Variants in TSHZ3 observed in about 807,000 individuals in gnomAD.
TSHZ3 encodes teashirt zinc finger homeobox 3, also known as teashirt homolog 3.
TSHZ3 carries 10 observed loss-of-function variants against 64.5 expected under a neutral mutation model. The observed-to-expected ratio is 0.16, with a 90% CI of 0.10 to 0.26. The LOEUF (loss-of-function observed/expected upper bound fraction) is 0.26. TSHZ3 is among the 10% of genes least tolerant of loss of function. The pLI is 1.00. For missense variants in TSHZ3, 1,242 were observed against 1,421.7 expected, an observed-to-expected ratio of 0.87 and a Z score of 2.03; for synonymous variants, 608 against 593.1, an observed-to-expected ratio of 1.03 and a Z score of -0.36.
At chr19:31,201,663 C>T (rs561801399) in intron 5 of TSHZ3, among the ~76,000 whole-genome samples, 5 of 152,134 alleles carry the variant, frequency 3.3e-5, no homozygotes, top group African/African-American at 4.8e-5. Flanking sequence ...GTGGGCTTCA[C>T]GAGTGGCCGC....
intron 5 of TSHZ3, among the ~76,000 whole-genome samples, chr19:31,156,511 G>GT (rs1345193104): frequency 6.6e-6 from 1 of 152,106 alleles, no homozygotes; most frequent in African/African-American, 2.4e-5. Flanking sequence ...CAGCCACCCA[G>GT]GGCATCTATT....
chr19:31,271,156 A>G (rs1011183318), downstream of TSHZ3, among the ~76,000 whole-genome samples: 1 of 152,106 alleles, frequency 6.6e-6, no homozygotes, highest in Non-Finnish European at 1.5e-5. Context: ...CAATTTGGCT[A>G]ATCTATTGTC....
At chr19:31,175,873 G>C (rs556484488) in intron 5 of TSHZ3, among the ~76,000 whole-genome samples, 2 of 152,236 alleles carry the variant, frequency 1.3e-5, no homozygotes. Context: ...ACTTAGCCCC[G>C]CATCTCTGCC....
chr19:31,235,141 A>C, intron 3 of TSHZ3, among the ~76,000 whole-genome samples: 1 of 152,222 alleles, frequency 6.6e-6, no homozygotes, highest in East Asian at 1.9e-4. Flanking sequence ...TGATCCCCAC[A>C]ACCAAACTAA....
intron 5 of TSHZ3, among the ~76,000 whole-genome samples, chr19:31,199,479 G>A (rs963145789): frequency 2.0e-5 from 3 of 147,240 alleles, no homozygotes; most frequent in Admixed American, 2.0e-4. Flanking sequence ...CCATAAAATA[G>A]TAATAAATAA....
At position 31,278,280 on chromosome 19, in the gene TSHZ3, G is replaced by C. The variant is rs1976289743; in HGVS notation, c.1513C>G (p.His505Asp). 2.5e-6 allele frequency: 4 copies of C among 1,614,048 alleles called. No homozygotes were observed. Among genetic ancestry groups the C allele is most frequent in the Admixed American group, 1.7e-5 (1 of 60,008 alleles). The change falls in exon 2 of 2, where the codon CAT (histidine) becomes GAT (aspartate). Residue 505 changes from histidine to aspartate, a missense_variant. Physicochemically the swap from His to Asp is moderately conservative, Grantham distance 81. Transcript: ENST00000240587. The surrounding 1 kb of genome is among the most constrained non-coding windows in gnomAD (Gnocchi z 4.7). The stretch of plus-strand genomic sequence containing the variant: ...TCTAAGTCATTTTCAGTCAAGTAAT[G>C]GTATTTGGAAGAGATGTCACACTTC... ...EEKCDISSKYHYLTENDLEES... is the reference protein window; with the variant it reads ...EEKCDISSKYDYLTENDLEES...
intron 1 of TSHZ3, among the ~76,000 whole-genome samples, chr19:31,324,161 C>A (rs1916865201): frequency 6.6e-6 from 1 of 152,136 alleles, no homozygotes; most frequent in African/African-American, 2.4e-5. Context: ...GAGCAGGAAA[C>A]CAAGCTACTA....
intron 5 of TSHZ3, among the ~76,000 whole-genome samples, chr19:31,168,943 T>C (rs1449751831): frequency 6.6e-6 from 1 of 152,162 alleles, no homozygotes; most frequent in Non-Finnish European, 1.5e-5. Context: ...TCCACTATTT[T>C]ATAAATTCAG....
intron 1 of TSHZ3, among the ~76,000 whole-genome samples, chr19:31,291,864 C>T (rs537685568): frequency 6.6e-6 from 1 of 152,184 alleles, no homozygotes; most frequent in Non-Finnish European, 1.5e-5. Flanking sequence ...ATCATTCAGC[C>T]AGCCCGGTGC....
chr19:31,240,735 G>GA, intron 3 of TSHZ3, among the ~76,000 whole-genome samples: 1 of 151,716 alleles, frequency 6.6e-6, no homozygotes, highest in Non-Finnish European at 1.5e-5. Flanking sequence ...ATATGTTATT[G>GA]AAAAATGCTA....
At chr19:31,249,440 C>T (rs762911291) in intron 1 of TSHZ3, among the ~76,000 whole-genome samples, 15 of 152,230 alleles carry the variant, frequency 9.9e-5, no homozygotes, top group African/African-American at 1.9e-4. Flanking sequence ...CCTGTCTGCC[C>T]GGGTCAACTG....
intron 1 of TSHZ3, among the ~76,000 whole-genome samples, chr19:31,332,282 G>A (rs988765538): frequency 6.6e-6 from 1 of 152,048 alleles, no homozygotes; most frequent in Non-Finnish European, 1.5e-5. Flanking sequence ...GCTCCCACTC[G>A]CTCTGCCACG....
At chr19:31,302,051 C>T (rs1295514310) in intron 1 of TSHZ3, among the ~76,000 whole-genome samples, 1 of 152,190 alleles carries the variant, frequency 6.6e-6, no homozygotes, top group Non-Finnish European at 1.5e-5. Flanking sequence ...ACATTCCTTA[C>T]ACTCAGAAAC....
chr19:31,320,693 A>G (rs1916743911), intron 1 of TSHZ3, among the ~76,000 whole-genome samples: 2 of 152,202 alleles, frequency 1.3e-5, no homozygotes, highest in Admixed American at 1.3e-4. Context: ...AAGAGACAGC[A>G]CTAATGGCCA....
intron 1 of TSHZ3, among the ~76,000 whole-genome samples, chr19:31,311,782 G>A (rs376686520): frequency 1.9e-4 from 29 of 152,268 alleles, no homozygotes; most frequent in African/African-American, 7.0e-4. Flanking sequence ...GGAGTGCAGT[G>A]GCACTATCTC....
Position 31,337,720 on chromosome 19 carries a change from A to AACACACACACACACACACAC in TSHZ3, c.40+11440_40+11459dup, listed in dbSNP as rs372251116. On this transcript the variant is annotated intron_variant, in intron 1 of 1. Transcript: ENST00000240587. The stretch of plus-strand genomic sequence containing the variant: ...CTGCGAATAAAGTTATTTCAAAATA[A>AACACACACACACACACACAC]ACACACACACACACACACACACACA... 7.4e-3 allele frequency among the ~76,000 whole-genome samples: 1,087 copies of AACACACACACACACACACAC among 146,030 alleles called. 20 individuals are homozygous for AACACACACACACACACACAC. Among genetic ancestry groups the AACACACACACACACACACAC allele is most frequent in the African/African-American group, 0.025 (968 of 39,484 alleles).
intron 3 of TSHZ3, among the ~76,000 whole-genome samples, chr19:31,232,449 G>T (rs1470853067): frequency 6.6e-6 from 1 of 152,196 alleles, no homozygotes. Context: ...CCTGGCTGTG[G>T]TTAAGTAGGA....
intron 5 of TSHZ3, among the ~76,000 whole-genome samples, chr19:31,159,192 G>C (rs989345651): frequency 6.6e-6 from 1 of 152,106 alleles, no homozygotes; most frequent in Non-Finnish European, 1.5e-5. Context: ...TGGAGATGGG[G>C]GTTTCACCAT....
At chr19:31,177,338 T>A (rs2145121662) in intron 5 of TSHZ3, among the ~76,000 whole-genome samples, 1 of 152,322 alleles carries the variant, frequency 6.6e-6, no homozygotes, top group African/African-American at 2.4e-5. Context: ...AGACATGATA[T>A]AAGAGAATGG....
Sources: allele counts gnomAD v4.1 joint callset (sites outside exome capture counted in the v4.1 genomes callset), GRCh38; gene constraint gnomAD v4.1.1; non-coding constraint Gnocchi (gnomAD v3.1); transcripts MANE v1.5; gene names NCBI Gene and HGNC (gene_info 2026-07-23, HGNC 2026-07-21).